TMEM40: variants seen among roughly 807,000 people sequenced by gnomAD.
The protein encoded by TMEM40 is transmembrane protein 40.
In TMEM40, 34 loss-of-function variants were observed where a neutral mutation model predicts 40.8. The observed-to-expected ratio is 0.83, with a 90% CI of 0.63 to 1.11. The LOEUF (loss-of-function observed/expected upper bound fraction) is 1.11. Ranked by LOEUF, TMEM40 falls within the 50% of genes least tolerant of loss-of-function variation. TMEM40 has a pLI of 0.00. For missense variants in TMEM40, 296 were observed against 280.2 expected, an observed-to-expected ratio of 1.06 and a Z score of -0.40; for synonymous variants, 106 against 107.0, an observed-to-expected ratio of 0.99 and a Z score of 0.06.
At chr3:12,747,001 T>G (rs745445034) in intron 3 of TMEM40, among the ~76,000 whole-genome samples, 2 of 152,112 alleles carry the variant, frequency 1.3e-5, no homozygotes, top group Non-Finnish European at 2.9e-5. Flanking sequence ...GGTGGGCTTG[T>G]GTGTTTTCTC....
chr3:12,766,768 C>T (rs2061596414), intron 1 of TMEM40, among the ~76,000 whole-genome samples: 1 of 152,194 alleles, frequency 6.6e-6, no homozygotes, highest in Non-Finnish European at 1.5e-5. Context: ...TTCTTGAGGA[C>T]AGTTCACAGA....
At chr3:12,738,263 AT>A (rs528058889) in intron 6 of TMEM40, 95 bp from the exon 7 acceptor site, 1 of 1,407,880 alleles carries the variant, frequency 7.1e-7, no homozygotes. Flanking sequence ...ACCTAAAAAA[AT>A]GTCCCCATGG....
chr3:12,768,981 C>T (rs913025885), intron 1 of TMEM40, among the ~76,000 whole-genome samples: 11 of 150,482 alleles, frequency 7.3e-5, no homozygotes, highest in African/African-American at 2.4e-4. Flanking sequence ...GAGGCACAGG[C>T]AAGGCGCACT....
chr3:12,743,810 A>G, intron 4 of TMEM40, 90 bp downstream of exon 4: 5 of 1,255,340 alleles, frequency 4.0e-6, no homozygotes, highest in South Asian at 1.4e-5. Context: ...GCCATAAACA[A>G]TGCTGTGAAG....
chr3:12,759,571 C>G (rs1346146189), upstream of TMEM40: 1 of 152,412 alleles, frequency 6.6e-6, no homozygotes, highest in Non-Finnish European at 1.5e-5. Context: ...TCCCAGGTAC[C>G]CCCTCCACCC....
chr3:12,750,095 A>T (rs78093344), intron 1 of TMEM40, among the ~76,000 whole-genome samples: 1,520 of 150,762 alleles, frequency 0.01, 26 homozygotes, highest in African/African-American at 0.034. Context: ...GAAGGAAATC[A>T]GTTTTTATCT....
At chr3:12,752,390 G>T (rs1364320592) in intron 1 of TMEM40, among the ~76,000 whole-genome samples, 1 of 152,194 alleles carries the variant, frequency 6.6e-6, no homozygotes, top group Non-Finnish European at 1.5e-5. Context: ...CCTACTATCT[G>T]CCAGGCAAGG....
At chr3:12,749,635 C>T in intron 2 of TMEM40, 125 bp downstream of exon 2, 1 of 771,444 alleles carries the variant, frequency 1.3e-6, no homozygotes, top group Non-Finnish European at 2.2e-6. Flanking sequence ...CACTACTTCC[C>T]CATTTCAGCT....
intron 1 of TMEM40, among the ~76,000 whole-genome samples, chr3:12,752,525 G>A (rs534478578): frequency 9.2e-5 from 14 of 152,258 alleles, no homozygotes; most frequent in East Asian, 1.9e-4. Context: ...CCGGCCGGGC[G>A]CGGTGGTTCA....
intron 4 of TMEM40, among the ~76,000 whole-genome samples, 189 bp downstream of exon 4, chr3:12,743,711 C>A (rs930797436): frequency 6.6e-6 from 1 of 152,110 alleles, no homozygotes; most frequent in Non-Finnish European, 1.5e-5. Flanking sequence ...TTCAGTTCAG[C>A]GATAGATGAA....
At chr3:12,762,518 G>C (rs547988457), upstream of TMEM40, among the ~76,000 whole-genome samples, 59 of 152,140 alleles carry the variant, frequency 3.9e-4, 1 homozygote, top group Non-Finnish European at 4.4e-5. Flanking sequence ...AGGCCACAGG[G>C]GAGAGCCTAC....
At chr3:12,760,364 A>C (rs1464437470), upstream of TMEM40, among the ~76,000 whole-genome samples, 2 of 151,460 alleles carry the variant, frequency 1.3e-5, no homozygotes, top group African/African-American at 4.9e-5. Context: ...TCTTCCCCAC[A>C]CCTCTGGCCC....
intron 1 of TMEM40, among the ~76,000 whole-genome samples, chr3:12,751,577 C>G (rs1226819341): frequency 6.6e-6 from 1 of 152,072 alleles, no homozygotes; most frequent in African/African-American, 2.4e-5. Flanking sequence ...TGCGCCTGGC[C>G]TACCCTTTTC....
At chr3:12,739,377 C>T (rs1178800790) in intron 5 of TMEM40, among the ~76,000 whole-genome samples, 5 of 151,902 alleles carry the variant, frequency 3.3e-5, no homozygotes, top group African/African-American at 9.7e-5. Flanking sequence ...CTCCGCCTCC[C>T]GGGTTCATGC....
At chr3:12,764,880 G>GT (rs962449007) in intron 1 of TMEM40, among the ~76,000 whole-genome samples, 77 of 150,794 alleles carry the variant, frequency 5.1e-4, no homozygotes, top group African/African-American at 1.6e-3. Context: ...TTTGTTTTTT[G>GT]TTTTTTTTTG....
chr3:12,766,704 A>ACAGT (rs1357259865), intron 1 of TMEM40, among the ~76,000 whole-genome samples: 1 of 152,212 alleles, frequency 6.6e-6, no homozygotes, highest in Admixed American at 6.6e-5. Flanking sequence ...ACACTGCTGA[A>ACAGT]CAGTCATTCC....
intron 6 of TMEM40, 25 bp downstream of exon 6, chr3:12,738,528 C>T: frequency 1.2e-6 from 2 of 1,613,832 alleles, no homozygotes; most frequent in Non-Finnish European, 1.7e-6. Flanking sequence ...CACCAACGAC[C>T]TCTCTCCTCT....
intron 5 of TMEM40, among the ~76,000 whole-genome samples, chr3:12,739,826 A>T (rs1158470051): frequency 6.6e-6 from 1 of 151,698 alleles, no homozygotes; most frequent in Non-Finnish European, 1.5e-5. Flanking sequence ...TTTTATTTTT[A>T]AAATTTATTT....
In TMEM40 at chr3:12,755,219, C is replaced by T. The variant is rs1468873549; in HGVS notation, c.-9+3972G>A. 1.2e-3 allele frequency among the ~76,000 whole-genome samples: 95 copies of T among 77,888 alleles called. 1 individual carries two copies. The highest frequency in any genetic ancestry group is 8.1e-3 in the African/African-American group (88 of 10,912). The allele number at this position is 77,888 out of a possible 152,430, so 51.1% of individuals were successfully genotyped here. ...CCTTCCTTTCTTTCTTTCTTTCTCT[C>T]TCTCTCTCTCTCTCTCTTTCTTTCT... On this transcript the variant is annotated intron_variant, in intron 1 of 11. Coordinates refer to ENST00000314124, the MANE Select transcript of TMEM40 (RefSeq NM_018306.4).
Sources: gnomAD v4.1 joint callset for allele counts (sites outside exome capture counted in the v4.1 genomes callset) on GRCh38, gnomAD v4.1.1 for gene constraint, MANE v1.5 for transcripts, NCBI Gene and HGNC (gene_info 2026-07-23, HGNC 2026-07-21) for gene names.